The following TRPC4 variants were observed in gnomAD, a reference collection of about 807,000 sequenced individuals.
The protein encoded by TRPC4 is short transient receptor potential channel 4.
TRPC4 carries 49 observed loss-of-function variants against 99.4 expected under a neutral mutation model. The ratio of observed to expected loss-of-function variants is 0.49; its 90% confidence interval spans 0.39 to 0.63. The LOEUF (loss-of-function observed/expected upper bound fraction) is 0.63, where lower values mean the gene tolerates loss of function less well. TRPC4 is among the 20% of genes least tolerant of loss of function. The probability of loss-of-function intolerance (pLI) is 0.00; values close to 1 mark genes in which losing one functional copy is unlikely to be tolerated. For synonymous variants in TRPC4, 454 were observed against 425.9 expected (o/e 1.07, Z -0.81); for missense variants, 898 against 1,152.9 (o/e 0.78, Z 3.20).
chr13:37,750,059 C>G (rs1255881600), intron 2 of TRPC4, among the ~76,000 whole-genome samples: 2 of 152,114 alleles, frequency 1.3e-5, no homozygotes, highest in African/African-American at 4.8e-5. Flanking sequence ...CTTTCACACA[C>G]TTTGAAAATT....
chr13:37,681,019 C>T (rs140162734), intron 4 of TRPC4, among the ~76,000 whole-genome samples: 23 of 152,098 alleles, frequency 1.5e-4, no homozygotes, highest in African/African-American at 3.1e-4. Flanking sequence ...ATCGAAATAG[C>T]GAAATTCAAA....
At chr13:37,753,959 G>T (rs1051356045) in intron 2 of TRPC4, among the ~76,000 whole-genome samples, 2 of 152,022 alleles carry the variant, frequency 1.3e-5, no homozygotes, top group African/African-American at 4.8e-5. Context: ...CCACCTCAAA[G>T]CACCCCCGCT....
At chr13:37,736,769 C>T (rs1414452372) in intron 3 of TRPC4, among the ~76,000 whole-genome samples, 1 of 152,008 alleles carries the variant, frequency 6.6e-6, no homozygotes, top group Non-Finnish European at 1.5e-5. Flanking sequence ...CACTCTGTCA[C>T]CCAGGCTGAA....
intron 3 of TRPC4, among the ~76,000 whole-genome samples, chr13:37,732,701 A>G (rs1042819966): frequency 9.8e-5 from 15 of 152,298 alleles, no homozygotes; most frequent in Non-Finnish European, 1.8e-4. Context: ...AAAATCAAGA[A>G]GGCAATTTCA....
intron 2 of TRPC4, among the ~76,000 whole-genome samples, chr13:37,760,325 C>A (rs1593679083): frequency 6.6e-6 from 1 of 151,886 alleles, no homozygotes; most frequent in Admixed American, 6.6e-5. Flanking sequence ...TTTGCCTTTT[C>A]CCTCTCACCT....
At chr13:37,738,961 G>C (rs1955495135) in intron 3 of TRPC4, among the ~76,000 whole-genome samples, 1 of 152,108 alleles carries the variant, frequency 6.6e-6, no homozygotes, top group South Asian at 2.1e-4. Flanking sequence ...AACTGGGAAA[G>C]TTTTTCCTAG....
At chr13:37,808,712 G>A (rs1044588525) in intron 1 of TRPC4, among the ~76,000 whole-genome samples, 1 of 152,012 alleles carries the variant, frequency 6.6e-6, no homozygotes, top group African/African-American at 2.4e-5. Context: ...CCTAAGCATG[G>A]TATGAGATCA....
chr13:37,714,255 C>T (rs1819500), intron 3 of TRPC4, among the ~76,000 whole-genome samples: 148,545 of 152,134 alleles, frequency 0.98, 72,621 homozygotes, highest in East Asian at 1. Flanking sequence ...GCCTCCTGAG[C>T]GGCTGGGACT....
intron 2 of TRPC4, among the ~76,000 whole-genome samples, chr13:37,746,881 CAGT>C (rs746531954): frequency 2.0e-4 from 31 of 152,106 alleles, no homozygotes; most frequent in Non-Finnish European, 1.8e-4. Context: ...TCTTTCTCTG[CAGT>C]AGAAGTCCTT....
intron 1 of TRPC4, among the ~76,000 whole-genome samples, chr13:37,784,758 T>G (rs1171135867): frequency 6.6e-6 from 1 of 152,084 alleles, no homozygotes; most frequent in African/African-American, 2.4e-5. Context: ...TTTAATAATA[T>G]TTTTATTTTG....
At chr13:37,731,923 T>C (rs1407135153) in intron 3 of TRPC4, among the ~76,000 whole-genome samples, 4 of 152,124 alleles carry the variant, frequency 2.6e-5, no homozygotes, top group African/African-American at 9.6e-5. Flanking sequence ...AAAAATTATA[T>C]GTGAAGCTTT....
intron 7 of TRPC4, among the ~76,000 whole-genome samples, chr13:37,654,189 C>CA (rs542269466): frequency 4.0e-4 from 61 of 151,674 alleles, no homozygotes; most frequent in African/African-American, 1.5e-3. Flanking sequence ...TTTTGCTTGA[C>CA]AAAAAAACAG....
chr13:37,790,505 C>A (rs1411117036), intron 1 of TRPC4, among the ~76,000 whole-genome samples: 1 of 152,100 alleles, frequency 6.6e-6, no homozygotes, highest in Non-Finnish European at 1.5e-5. Flanking sequence ...TATAAATAAT[C>A]ACTATTTACA....
intron 3 of TRPC4, among the ~76,000 whole-genome samples, chr13:37,737,419 G>A (rs1177790585): frequency 1.3e-5 from 2 of 152,122 alleles, no homozygotes; most frequent in East Asian, 3.9e-4. Context: ...TTGGTTAGGG[G>A]CAGAAAAGAG....
chr13:37,717,349 T>C (rs1954712537), intron 3 of TRPC4, among the ~76,000 whole-genome samples: 1 of 152,104 alleles, frequency 6.6e-6, no homozygotes, highest in Admixed American at 6.6e-5. Flanking sequence ...GGCTACTTAA[T>C]AGTAGGAAGA....
At chr13:37,800,469 A>C (rs1957372252) in intron 1 of TRPC4, among the ~76,000 whole-genome samples, 1 of 152,336 alleles carries the variant, frequency 6.6e-6, no homozygotes, top group African/African-American at 2.4e-5. Flanking sequence ...ATAGTTTACA[A>C]GAGGACTAAT....
At chr13:37,639,375 C>A in intron 8 of TRPC4, 76 bp from the exon 9 acceptor site, 2 of 1,440,830 alleles carry the variant, frequency 1.4e-6, no homozygotes, top group South Asian at 1.3e-5. Context: ...TTTTTTTAAT[C>A]GATAATGTTT....
intron 1 of TRPC4, among the ~76,000 whole-genome samples, chr13:37,857,369 A>G (rs868797944): frequency 4.0e-5 from 6 of 151,690 alleles, no homozygotes; most frequent in Non-Finnish European, 4.4e-5. Context: ...AATTCAATGC[A>G]ATCTCTTTCA....
Position 37,651,412 on chromosome 13 carries a change from C to T in TRPC4, c.1932G>A (p.Met644Ile), listed in dbSNP as rs1341734735. The change falls in exon 8 of 11, where the codon ATG (methionine) becomes ATA (isoleucine). Residue 644 changes from methionine to isoleucine, a missense_variant. Transcript: ENST00000379705. ...EWKFARTKLW[M>I]SYFEEGGTLP... ...GAGTACCTCCTTCTTCAAAATAACT[C>T]ATCCAAAGCTTTGTTCGTGCAAATT... 6.2e-7 allele frequency: 1 copy of T among 1,614,038 alleles called. No individual in the cohort carries two copies. The highest frequency in any genetic ancestry group is 1.1e-5 in the South Asian group (1 of 91,066).
Sources: gnomAD v4.1 joint callset for allele counts (sites outside exome capture counted in the v4.1 genomes callset) on GRCh38, gnomAD v4.1.1 for gene constraint, MANE v1.5 for transcripts, NCBI Gene and HGNC (gene_info 2026-07-23, HGNC 2026-07-21) for gene names.